HTR4: variants seen among roughly 807,000 people sequenced by gnomAD.
The protein encoded by HTR4 is 5-hydroxytryptamine (serotonin) receptor 4, G protein-coupled.
In HTR4, 16 loss-of-function variants were observed where a neutral mutation model predicts 36.8. That is an observed-to-expected ratio of 0.43 (90% confidence interval 0.29 to 0.66). The LOEUF (loss-of-function observed/expected upper bound fraction) is 0.66. Ranked by LOEUF, HTR4 falls within the 30% of genes least tolerant of loss-of-function variation. HTR4 has a pLI of 0.13. For missense variants in HTR4, 438 were observed against 490.9 expected (o/e 0.89, Z 1.02); for synonymous variants, 189 against 185.1 (o/e 1.02, Z -0.17).
At chr5:148,625,621 G>A (rs189930507) in intron 2 of HTR4, among the ~76,000 whole-genome samples, 72 of 152,050 alleles carry the variant, frequency 4.7e-4, no homozygotes, top group Middle Eastern at 3.4e-3. Context: ...TTGCCTTGTC[G>A]CCAGGCTGGA....
intron 5 of HTR4, among the ~76,000 whole-genome samples, chr5:148,458,270 T>G (rs1278436005): frequency 6.6e-6 from 1 of 151,566 alleles, no homozygotes; most frequent in African/African-American, 2.4e-5. Context: ...CTCTGTTAGC[T>G]GGAAACAAAG....
chr5:148,548,936 G>A, intron 3 of HTR4, 68 bp from the exon 4 acceptor site: 3 of 1,092,432 alleles, frequency 2.7e-6, no homozygotes, highest in Admixed American at 3.9e-5. Flanking sequence ...AGGGAGAAGA[G>A]ATCAAGAGAA....
intron 5 of HTR4, among the ~76,000 whole-genome samples, chr5:148,466,123 T>G (rs1050040991): frequency 6.6e-6 from 1 of 152,202 alleles, no homozygotes; most frequent in African/African-American, 2.4e-5. Context: ...TGCCACAGTG[T>G]ACGTCTAAAA....
intron 2 of HTR4, among the ~76,000 whole-genome samples, chr5:148,635,040 T>C (rs1437143544): frequency 2.0e-5 from 3 of 152,138 alleles, no homozygotes; most frequent in African/African-American, 7.2e-5. Context: ...TATTAATTAA[T>C]ATAAAAATGC....
rs200935858 is a variant in HTR4 at position 148,482,978 on chromosome 5, T to A, written c.*225A>T. ...GCAGAGAATCTGGGAAGAGGGAGTG[T>A]TGGGAAATAAAAAGTGAACAAGGAG... On this transcript the variant is annotated 3_prime_UTR_variant, in exon 7 of 7. Coordinates refer to ENST00000377888, the MANE Select transcript of HTR4 (RefSeq NM_000870.7). The A allele has an allele frequency of 8.5e-6, 12 of 1,405,208 alleles. No individual in the cohort carries two copies. Among genetic ancestry groups the A allele is most frequent in the Non-Finnish European group, 1.1e-5 (12 of 1,077,948 alleles). 87.0% of individuals were successfully genotyped at this position (1,405,208 alleles called of 1,614,324 possible).
intron 2 of HTR4, among the ~76,000 whole-genome samples, chr5:148,584,932 A>G (rs1761294735): frequency 6.6e-6 from 1 of 152,202 alleles, no homozygotes; most frequent in Admixed American, 6.5e-5. Context: ...CATTGATATC[A>G]CTGGCTGGCT....
In HTR4 at chr5:148,482,874, G is replaced by A; in HGVS notation, c.*329C>T. 8.3e-7 allele frequency: 1 copy of A among 1,199,050 alleles called. No homozygotes were observed. Among genetic ancestry groups the A allele is most frequent in the Admixed American group, 3.5e-5 (1 of 28,200 alleles). The allele number at this position is 1,199,050 out of a possible 1,614,324, so 74.3% of individuals were successfully genotyped here. A position where few individuals can be genotyped will look rare whatever the true frequency, so the allele number is the denominator to read the frequency against. On this transcript the variant is annotated 3_prime_UTR_variant, in exon 7 of 7. Transcript: ENST00000377888. ...GAGATAGGACGCAGCAAGCTATCGTGCTTAGAACGTGAGTGAGACAGATCA... is the reference window on the plus strand; with the variant it reads ...GAGATAGGACGCAGCAAGCTATCGTACTTAGAACGTGAGTGAGACAGATCA...
At chr5:148,583,409 A>T in intron 2 of HTR4, among the ~76,000 whole-genome samples, 1 of 151,926 alleles carries the variant, frequency 6.6e-6, no homozygotes, top group East Asian at 1.9e-4. Context: ...CATTGTGCAC[A>T]TGTACCCTAA....
chr5:148,509,569 A>T lies in HTR4; in HGVS notation c.963T>A (p.Arg321=). The change falls in exon 6 of 7, where the codon CGT becomes CGA. Residue 321 remains arginine (R), a synonymous_variant. Coordinates refer to ENST00000377888, the MANE Select transcript of HTR4 (RefSeq NM_000870.7). ...LYAFLNKSFR[R]AFLIILCCDD... ...CACAGCAGAGGATGATGAGGAAGGC[A>T]CGTCTAAAAGACTTATTCAAGAAGG... 1 of 1,614,108 alleles carries T rather than the reference A, an allele frequency of 6.2e-7. No homozygotes were observed. The highest frequency in any genetic ancestry group is 8.5e-7 in the Non-Finnish European group (1 of 1,179,988).
At chr5:148,573,650 T>C (rs1760769302) in intron 2 of HTR4, among the ~76,000 whole-genome samples, 1 of 151,904 alleles carries the variant, frequency 6.6e-6, no homozygotes, top group Non-Finnish European at 1.5e-5. Context: ...ATGAACAACA[T>C]AATGAGCACC....
At chr5:148,491,981 C>T (rs1756472304) in intron 6 of HTR4, among the ~76,000 whole-genome samples, 1 of 152,274 alleles carries the variant, frequency 6.6e-6, no homozygotes, top group East Asian at 1.9e-4. Context: ...GCTTAAGAGG[C>T]CCCAGGTGGC....
At chr5:148,605,763 C>T (rs1034032654) in intron 2 of HTR4, among the ~76,000 whole-genome samples, 2 of 151,284 alleles carry the variant, frequency 1.3e-5, no homozygotes, top group Non-Finnish European at 2.9e-5. Context: ...AAAAAAAAAT[C>T]GGAAAACAAA....
chr5:148,603,464 A>G (rs1762065205), intron 2 of HTR4, among the ~76,000 whole-genome samples: 1 of 152,110 alleles, frequency 6.6e-6, no homozygotes, highest in Non-Finnish European at 1.5e-5. Context: ...TTTTCATAAT[A>G]TCAAAAATGG....
intron 1 of HTR4, among the ~76,000 whole-genome samples, chr5:148,647,025 A>G (rs1445166343): frequency 6.6e-6 from 1 of 152,162 alleles, no homozygotes; most frequent in Non-Finnish European, 1.5e-5. Flanking sequence ...TTGAAAGACA[A>G]TATGTTTTTA....
At chr5:148,569,175 G>A (rs1277606490) in intron 2 of HTR4, among the ~76,000 whole-genome samples, 2 of 151,924 alleles carry the variant, frequency 1.3e-5, no homozygotes, top group Non-Finnish European at 2.9e-5. Context: ...ATCTTAAGCT[G>A]GGTCATGGAC....
At chr5:148,551,702 G>A (rs748535003) in intron 2 of HTR4, among the ~76,000 whole-genome samples, 35 of 152,172 alleles carry the variant, frequency 2.3e-4, no homozygotes, top group Non-Finnish European at 3.5e-4. Flanking sequence ...AAGAATTGTC[G>A]TGGGTCACAC....
At chr5:148,579,612 G>A (rs979020681) in intron 2 of HTR4, among the ~76,000 whole-genome samples, 3 of 152,142 alleles carry the variant, frequency 2.0e-5, no homozygotes, top group Non-Finnish European at 2.9e-5. Flanking sequence ...TAAGATGTAG[G>A]TAGGGATCAC....
At position 148,509,968 on chromosome 5, in the gene HTR4, G is replaced by A. The variant is rs1191091430; in HGVS notation, c.564C>T (p.Val188=). Residue 188 remains valine (V), a synonymous_variant, in exon 6 of 7, where the codon GTC becomes GTT. Coordinates refer to ENST00000377888, the MANE Select transcript of HTR4 (RefSeq NM_000870.7). ...NSNSTYCVFM[V]NKPYAITCSV... is the part of the protein sequence containing the mutation. ...AGCAGGTGATGGCGTAGGGCTTGTT[G>A]ACCATGAAGACACAGTACGTAGAGT... is the stretch of plus-strand genomic sequence containing the variant. The A allele has an allele frequency of 1.9e-6, 3 of 1,613,876 alleles. No homozygotes were observed. The highest frequency in any genetic ancestry group is 2.5e-6 in the Non-Finnish European group (3 of 1,179,922).
intron 1 of HTR4, among the ~76,000 whole-genome samples, chr5:148,648,067 G>A (rs1753926009): frequency 6.6e-6 from 1 of 152,214 alleles, no homozygotes; most frequent in African/African-American, 2.4e-5. Context: ...CAAAGCAACT[G>A]TGGTAAAATG....
Sources: gnomAD v4.1 joint callset for allele counts (sites outside exome capture counted in the v4.1 genomes callset) on GRCh38, gnomAD v4.1.1 for gene constraint, MANE v1.5 for transcripts, NCBI Gene and HGNC (gene_info 2026-07-23, HGNC 2026-07-21) for gene names.